TRIM33: variants seen among roughly 807,000 people sequenced by gnomAD.
The protein encoded by TRIM33 is E3 ubiquitin-protein ligase TRIM33.
In TRIM33, 20 loss-of-function variants were observed where a neutral mutation model predicts 125.4. The ratio of observed to expected loss-of-function variants is 0.16; its 90% CI spans 0.11 to 0.23. The LOEUF (loss-of-function observed/expected upper bound fraction) is 0.23. TRIM33 is among the 10% of genes least tolerant of loss of function. TRIM33 has a pLI of 1.00. For synonymous variants in TRIM33, 564 were observed against 513.9 expected (o/e 1.10, Z -1.32); for missense variants, 920 against 1,411.4 (o/e 0.65, Z 5.58).
At chr1:114,423,021 T>C (rs1647305080) in intron 10 of TRIM33, among the ~76,000 whole-genome samples, 1 of 152,132 alleles carries the variant, frequency 6.6e-6, no homozygotes, top group South Asian at 2.1e-4. Flanking sequence ...TGACTTATTT[T>C]AAAAATAAGT....
chr1:114,428,252 T>C (rs1330398260), intron 6 of TRIM33, among the ~76,000 whole-genome samples: 1 of 152,206 alleles, frequency 6.6e-6, no homozygotes, highest in Non-Finnish European at 1.5e-5. Flanking sequence ...CTTAATATAC[T>C]TTAAAGGCCA....
At chr1:114,481,266 T>C (rs1269656330) in intron 1 of TRIM33, among the ~76,000 whole-genome samples, 4 of 152,148 alleles carry the variant, frequency 2.6e-5, no homozygotes, top group African/African-American at 9.7e-5. Flanking sequence ...CAGATACATG[T>C]AACAATTATA....
At position 114,496,627 on chromosome 1, in the gene TRIM33, A is replaced by T. The variant is rs59872175; in HGVS notation, c.526+13924T>A. On this transcript the variant is annotated intron_variant, in intron 1 of 19. Coordinates refer to ENST00000358465, the MANE Select transcript of TRIM33 (RefSeq NM_015906.4). ...TTCCACAATTTTTATCTACAAATTC[A>T]AAATATAATAATTGAGTAATTTTTT... Among the ~76,000 whole-genome samples, 998 of 152,352 alleles carry T rather than the reference A, an allele frequency of 6.6e-3. 9 individuals carry two copies. The highest frequency in any genetic ancestry group is 0.022 in the African/African-American group (933 of 41,578).
At chr1:114,485,782 T>A (rs974402887) in intron 1 of TRIM33, among the ~76,000 whole-genome samples, 3 of 151,968 alleles carry the variant, frequency 2.0e-5, no homozygotes, top group African/African-American at 7.3e-5. Flanking sequence ...TGGAAAAAAA[T>A]GAAGATTAAA....
chr1:114,503,509 CTATT>C (rs779128285), intron 1 of TRIM33, among the ~76,000 whole-genome samples: 2 of 152,078 alleles, frequency 1.3e-5, no homozygotes, highest in Non-Finnish European at 2.9e-5. Flanking sequence ...AAAATACAAT[CTATT>C]TATTATTGCT....
chr1:114,457,396 C>T (rs1649689343), intron 4 of TRIM33, among the ~76,000 whole-genome samples: 1 of 152,100 alleles, frequency 6.6e-6, no homozygotes. Context: ...CAATGTACAA[C>T]ACTGTAGAAA....
intron 5 of TRIM33, 103 bp from the exon 6 acceptor site, chr1:114,431,015 A>C (rs1421378312): frequency 1.4e-6 from 1 of 728,324 alleles, no homozygotes; most frequent in African/African-American, 1.8e-5. Flanking sequence ...CCGAGTAATT[A>C]AAATGAAAAC....
intron 1 of TRIM33, among the ~76,000 whole-genome samples, chr1:114,497,902 T>G (rs1652468866): frequency 6.8e-6 from 1 of 148,060 alleles, no homozygotes. Flanking sequence ...GTAAAACAGA[T>G]AATAAAGGGA....
At chr1:114,434,862 T>C (rs904935065) in intron 4 of TRIM33, among the ~76,000 whole-genome samples, 8 of 152,238 alleles carry the variant, frequency 5.3e-5, no homozygotes, top group Admixed American at 2.6e-4. Flanking sequence ...CAGCATCTTA[T>C]GCTAGGTACA....
intron 1 of TRIM33, among the ~76,000 whole-genome samples, chr1:114,493,066 TTTG>T (rs1312251053): frequency 1.3e-5 from 2 of 152,206 alleles, no homozygotes; most frequent in African/African-American, 4.8e-5. Context: ...TTGCCAACAC[TTTG>T]TTGTTTTTTA....
chr1:114,460,281 C>T (rs566445725), intron 4 of TRIM33: 2 of 180,404 alleles, frequency 1.1e-5, no homozygotes. Context: ...CAAAAAGATC[C>T]TTGAACAAAA....
At position 114,397,580 on chromosome 1, in the gene TRIM33, G is replaced by GTTTTTTTTTTTTTTTTTTT. The variant is rs369508223; in HGVS notation, c.*67_*68insAAAAAAAAAAAAAAAAAAA. The GTTTTTTTTTTTTTTTTTTT allele has an allele frequency of 2.8e-6, 3 of 1,075,798 alleles. No individual in the cohort carries two copies. In the African/African-American group the frequency reaches 1.0e-4, roughly 37 times the overall value. The allele number at this position is 1,075,798 out of a possible 1,614,324, so 66.6% of individuals were successfully genotyped here. Reference sequence around the variant, plus strand: ...CCAGCAACACTTAAAAGTTTTCTGGGTTTTTTGTGTTTTTTTTTTTTTTTT... The same window carrying GTTTTTTTTTTTTTTTTTTT: ...CCAGCAACACTTAAAAGTTTTCTGGGTTTTTTTTTTTTTTTTTTTTTTTTTGTGTTTTTTTTTTTTTTTT... On this transcript the variant is annotated 3_prime_UTR_variant, in exon 20 of 20. Coordinates refer to ENST00000358465, the MANE Select transcript of TRIM33 (RefSeq NM_015906.4).
Position 114,397,600 on chromosome 1 carries a change from T to TC in TRIM33, c.*47_*48insG, listed in dbSNP as rs754704148. On this transcript the variant is annotated 3_prime_UTR_variant, in exon 20 of 20. Coordinates refer to ENST00000358465, the MANE Select transcript of TRIM33 (RefSeq NM_015906.4). ...TCTGGGTTTTTTGTGTTTTTTTTTT[T>TC]TTTTTCGTTTTTTTTTTTTTAAACA... 1.8e-4 allele frequency: 206 copies of TC among 1,119,590 alleles called. 2 individuals carry two copies. In the African/African-American group the frequency reaches 2.8e-3, roughly 15 times the overall value. The allele number at this position is 1,119,590 out of a possible 1,614,324, so 69.4% of individuals were successfully genotyped here.
At chr1:114,431,068 T>C (rs11585926) in intron 5 of TRIM33, among the ~76,000 whole-genome samples, 156 bp from the exon 6 acceptor site, 33,400 of 152,144 alleles carry the variant, frequency 0.22, 3,872 homozygotes, top group Non-Finnish European at 0.25. Flanking sequence ...ACCTGACCAA[T>C]TTGGTCCAAA....
chr1:114,408,569 A>G, intron 13 of TRIM33, 108 bp downstream of exon 13: 1 of 679,894 alleles, frequency 1.5e-6, no homozygotes. Context: ...ATCACTGTTA[A>G]AGCTGAGTGT....
chr1:114,495,805 A>G (rs1652334212), intron 1 of TRIM33, among the ~76,000 whole-genome samples: 1 of 152,238 alleles, frequency 6.6e-6, no homozygotes, highest in Non-Finnish European at 1.5e-5. Flanking sequence ...ACCAACATTA[A>G]GAGCAGAAAT....
intron 4 of TRIM33, among the ~76,000 whole-genome samples, chr1:114,459,439 A>G (rs1344911497): frequency 1.3e-5 from 2 of 152,100 alleles, no homozygotes; most frequent in African/African-American, 4.8e-5. Flanking sequence ...ACTTCACCCT[A>G]TGCATCTCTT....
In TRIM33 at chr1:114,463,095, T is replaced by C; in HGVS notation, c.923+9A>G. 3.2e-6 allele frequency: 5 copies of C among 1,583,976 alleles called. No homozygotes were observed. Among genetic ancestry groups the C allele is most frequent in the Non-Finnish European group, 3.4e-6 (4 of 1,169,788 alleles). On this transcript the variant is annotated intron_variant, in intron 4 of 19. Coordinates refer to ENST00000358465, the MANE Select transcript of TRIM33 (RefSeq NM_015906.4). ...AGTATTTCCTGGTAAGCAATTATGA[T>C]TTCTGTACCTATGTTCTTTGTGTTC...
chr1:114,394,633 G>A lies in TRIM33; in HGVS notation c.*3015C>T, dbSNP rs1265118403. ...AGAAGTCAGAAAGTACCAACTTGTT[G>A]ATCCAAAAATAATAATTTCAATAGT... On this transcript the variant is annotated 3_prime_UTR_variant, in exon 20 of 20. Transcript: ENST00000358465. 1 of 205,884 alleles carries A rather than the reference G, an allele frequency of 4.9e-6. No homozygotes were observed. The highest frequency in any genetic ancestry group is 9.9e-6 in the Non-Finnish European group (1 of 100,608). The allele number at this position is 205,884 out of a possible 1,614,324, so 12.8% of individuals were successfully genotyped here.
Sources: allele counts gnomAD v4.1 joint callset (sites outside exome capture counted in the v4.1 genomes callset), GRCh38; gene constraint gnomAD v4.1.1; transcripts MANE v1.5; gene names NCBI Gene and HGNC (gene_info 2026-07-23, HGNC 2026-07-21).